Variants in FAT2 observed in about 807,000 individuals in gnomAD.
FAT2 encodes the protein protocadherin Fat 2.
FAT2 carries 150 observed loss-of-function variants against 295.3 expected under a neutral mutation model. The observed-to-expected ratio is 0.51, with a 90% CI of 0.44 to 0.58. The LOEUF is 0.58. Among genes scored for constraint, FAT2 ranks in the 20% least tolerant of loss-of-function variants. FAT2 has a pLI of 0.00. For missense variants in FAT2, 4,868 were observed against 5,442.7 expected (o/e 0.89, Z 3.32); for synonymous variants, 2,026 against 2,150.3 (o/e 0.94, Z 1.60).
At chr5:151,594,380 C>T (rs1340970849), upstream of FAT2, among the ~76,000 whole-genome samples, 2 of 152,324 alleles carry the variant, frequency 1.3e-5, no homozygotes, top group African/African-American at 2.4e-5. Context: ...ATCAAGGCTG[C>T]ACATTGGCAT....
chr5:151,516,228 C>T (rs77726967), intron 20 of FAT2, among the ~76,000 whole-genome samples: 115 of 152,262 alleles, frequency 7.6e-4, no homozygotes, highest in Middle Eastern at 3.4e-3. Context: ...ATTGTAACTC[C>T]GGCTGGGCAT....
At chr5:151,517,414 T>C (rs1402887949) in intron 20 of FAT2, among the ~76,000 whole-genome samples, 1 of 152,192 alleles carries the variant, frequency 6.6e-6, no homozygotes, top group Non-Finnish European at 1.5e-5. Flanking sequence ...CTTGTGACCG[T>C]CCTTGGACGT....
At chr5:151,530,339 A>G (rs921273110) in intron 14 of FAT2, among the ~76,000 whole-genome samples, 1 of 152,136 alleles carries the variant, frequency 6.6e-6, no homozygotes, top group African/African-American at 2.4e-5. Flanking sequence ...TGTGTTGATC[A>G]AGCACTGTCA....
At position 151,544,929 on chromosome 5, in the gene FAT2, A is replaced by G; in HGVS notation, c.6198T>C (p.Asn2066=). The G allele has an allele frequency of 6.2e-7, 1 of 1,613,878 alleles. No homozygotes were observed. The highest frequency in any genetic ancestry group is 2.2e-5 in the East Asian group (1 of 44,856). The change falls in exon 10 of 24, where the codon AAT becomes AAC. Residue 2066 remains asparagine, a synonymous_variant. Transcript: ENST00000261800. ...AGGGCAGATGCTTAAATTTGGGGGG[A>G]TTGTCATTGACATCCTCAATAGAGA... is the stretch of plus-strand genomic sequence containing the variant. The part of the protein sequence containing the change: ...VRVSIEDVND[N]PPKFKHLPYY...
intron 19 of FAT2, among the ~76,000 whole-genome samples, chr5:151,520,111 C>T (rs1037142752): frequency 6.6e-6 from 1 of 152,230 alleles, no homozygotes; most frequent in Non-Finnish European, 1.5e-5. Context: ...CAGCCTAAAT[C>T]GAGTGGTCCC....
At chr5:151,561,374 G>T (rs1758007820) in intron 3 of FAT2, among the ~76,000 whole-genome samples, 1 of 152,070 alleles carries the variant, frequency 6.6e-6, no homozygotes, top group Non-Finnish European at 1.5e-5. Context: ...GGACACAGCA[G>T]AATCTGACTT....
rs780754517 is a variant in FAT2 at position 151,529,291 on chromosome 5, T to A, written c.9913A>T (p.Thr3305Ser). The change falls in exon 15 of 24, where the codon ACC becomes TCC. Residue 3305 changes from threonine (T) to serine (S), a missense_variant. Thr to Ser is a moderately conservative substitution (Grantham distance 58). This residue lies in a region of FAT2 where 1,046 missense variants were observed against 1,210.1 expected (regional missense o/e 0.86). Coordinates refer to ENST00000261800, the MANE Select transcript of FAT2 (RefSeq NM_001447.3). ...TCAGTGATGTTGACCATGACTGTGG[T>A]CACGTCACTGAGGGAAGAGGAGCTC... is the stretch of plus-strand genomic sequence containing the variant. ...RKSSSSLSDV[T>S]TVMVNITDVN... 6.2e-7 allele frequency: 1 copy of A among 1,613,972 alleles called. No homozygotes were observed. Among genetic ancestry groups the A allele is most frequent in the African/African-American group, 1.3e-5 (1 of 74,914 alleles).
chr5:151,521,729 C>A lies in FAT2; in HGVS notation c.10864G>T (p.Val3622Leu), dbSNP rs758513297. 1 of 1,614,048 alleles carries A rather than the reference C, an allele frequency of 6.2e-7. No homozygotes were observed. Among genetic ancestry groups the A allele is most frequent in the Admixed American group, 1.7e-5 (1 of 60,032 alleles). The change falls in exon 19 of 24, where the codon GTG becomes TTG. Residue 3622 changes from valine (V) to leucine (L), a missense_variant. By Grantham distance (32) the Val-to-Leu change is conservative. Coordinates refer to ENST00000261800, the MANE Select transcript of FAT2 (RefSeq NM_001447.3). ...GCCTGCTGCAGAGCCTCCTGCCCCACATGCCACACGTACACATGGACCCCA... is the reference window on the plus strand; with the variant it reads ...GCCTGCTGCAGAGCCTCCTGCCCCAAATGCCACACGTACACATGGACCCCA... ...TAGVHVYVWH[V>L]GQEALQQAMW...
chr5:151,536,874 AT>A (rs1162633063), intron 12 of FAT2, among the ~76,000 whole-genome samples: 2 of 152,184 alleles, frequency 1.3e-5, no homozygotes, highest in Admixed American at 6.5e-5. Context: ...CTGGGGCCTC[AT>A]TCTTTGTCCT....
rs1203326599 is a variant in FAT2, at chr5:151,543,857, C to G, written c.7270G>C (p.Asp2424His). 1 of 1,614,174 alleles carries G rather than the reference C, an allele frequency of 6.2e-7. No individual in the cohort carries two copies. The highest frequency in any genetic ancestry group is 1.1e-5 in the South Asian group (1 of 91,080). ...LEYLILSGNQDRHFFINSSSG... is the reference protein window; with the variant it reads ...LEYLILSGNQHRHFFINSSSG... ...GAGCTGTTAATGAAGAAGTGCCTGT[C>G]CTGATTGCCAGAAAGAATCAGGTAC... The change falls in exon 10 of 24, where the codon GAC becomes CAC. Residue 2424 changes from aspartate to histidine, a missense_variant. Around this residue, in one of 5 missense-constraint regions of FAT2, gnomAD observed 3,297 missense variants for 3,669.4 expected, o/e 0.90. Transcript: ENST00000261800.
chr5:151,546,450 A>C, intron 9 of FAT2, 113 bp from the exon 10 acceptor site: 1 of 681,024 alleles, frequency 1.5e-6, no homozygotes, highest in Non-Finnish European at 2.5e-6. Flanking sequence ...CAAAATCTGC[A>C]TATAGTGTAT....
intron 9 of FAT2, among the ~76,000 whole-genome samples, chr5:151,547,938 A>ATG (rs2127616992): frequency 6.6e-6 from 1 of 152,340 alleles, no homozygotes; most frequent in Admixed American, 6.5e-5. Context: ...AAAAATGAGC[A>ATG]TGTGTTACTT....
chr5:151,535,903 A>T lies in FAT2; in HGVS notation c.9194-1261T>A, dbSNP rs1755226039. On this transcript the variant is annotated intron_variant, in intron 12 of 23. Coordinates refer to ENST00000261800, the MANE Select transcript of FAT2 (RefSeq NM_001447.3). ...GTCACAGAAGTCTTCTTTGCTGATG[A>T]TTGGTGTGGTGTGAGAGCAGAGGAA... Among the ~76,000 whole-genome samples, 9 of 152,316 alleles carry T rather than the reference A, an allele frequency of 5.9e-5. No individual in the cohort carries two copies. The South Asian group carries it at 1.9e-3, about 32-fold the overall frequency.
rs995309358 is a variant in FAT2 at position 151,543,384 on chromosome 5, G to A, written c.7743C>T (p.Asn2581=). ...VKIILTDEND[N]PPQFKASEYT... ...ACTCAGATGCTTTGAACTGTGGGGG[G>A]TTGTCATTTTCATCTGTGAGGATGA... Residue 2581 remains asparagine (N), a synonymous_variant, in exon 10 of 24, where the codon AAC becomes AAT. Coordinates refer to ENST00000261800, the MANE Select transcript of FAT2 (RefSeq NM_001447.3). The A allele has an allele frequency of 7.4e-6, 12 of 1,614,002 alleles. No individual in the cohort carries two copies. The highest frequency in any genetic ancestry group is 1.0e-5 in the Non-Finnish European group (12 of 1,180,028).
intron 17 of FAT2, 52 bp from the exon 18 acceptor site, chr5:151,526,017 T>TCCTTTCGCA: frequency 6.4e-7 from 1 of 1,562,576 alleles, no homozygotes. Context: ...TCCCGGTCCT[T>TCCTTTCGCA]CCTTTCGCAC....
intron 3 of FAT2, among the ~76,000 whole-genome samples, chr5:151,562,513 T>C (rs571140274): frequency 7.3e-4 from 111 of 152,202 alleles, no homozygotes; most frequent in African/African-American, 2.6e-3. Context: ...CAACAGGGGA[T>C]GGCAGGACCT....
At chr5:151,594,636 C>T (rs1329249497), upstream of FAT2, among the ~76,000 whole-genome samples, 2 of 152,182 alleles carry the variant, frequency 1.3e-5, no homozygotes, top group African/African-American at 4.8e-5. Context: ...ATGTCCATTT[C>T]CCCTATTTGC....
chr5:151,567,826 A>C lies in FAT2; in HGVS notation c.1106T>G (p.Val369Gly). 6.2e-7 allele frequency: 1 copy of C among 1,614,172 alleles called. No individual in the cohort carries two copies. The highest frequency in any genetic ancestry group is 8.5e-7 in the Non-Finnish European group (1 of 1,180,034). ...AGGAGGGGAAAACTCACTAAGCTGCACTCTGTAAACAGCCTTCTCGAATTT... is the reference window on the plus strand; with the variant it reads ...AGGAGGGGAAAACTCACTAAGCTGCCCTCTGTAAACAGCCTTCTCGAATTT... ...SLKFEKAVYRVQLSEFSPPGS... is the reference protein window; with the variant it reads ...SLKFEKAVYRGQLSEFSPPGS... The change falls in exon 2 of 24, where the codon GTG (valine) becomes GGG (glycine). Residue 369 changes from valine to glycine, a missense_variant. Transcript: ENST00000261800.
chr5:151,534,262 A>T, intron 13 of FAT2, 147 bp downstream of exon 13: 1 of 586,268 alleles, frequency 1.7e-6, no homozygotes, highest in Non-Finnish European at 3.0e-6. Flanking sequence ...CAGTTTGAGG[A>T]TAAATACTTT....
Sources: gnomAD v4.1 joint callset for allele counts (sites outside exome capture counted in the v4.1 genomes callset) on GRCh38, gnomAD v4.1.1 for gene constraint, gnomAD v4.1.1 regional missense constraint, MANE v1.5 for transcripts, NCBI Gene and HGNC (gene_info 2026-07-23, HGNC 2026-07-21) for gene names.